SORCS2: variants seen among roughly 807,000 people sequenced by gnomAD.
SORCS2 encodes the protein sortilin related VPS10 domain containing receptor 2.
In SORCS2, 100 loss-of-function variants were observed where a neutral mutation model predicts 141.6. That is an observed-to-expected ratio of 0.71 (90% confidence interval 0.60 to 0.83). The LOEUF is 0.83. Ranked by LOEUF, SORCS2 falls within the 40% of genes least tolerant of loss-of-function variation. SORCS2 has a pLI of 0.00. For missense variants in SORCS2, 1,646 were observed against 1,560.2 expected (o/e 1.05, Z -0.93); for synonymous variants, 789 against 676.9 (o/e 1.17, Z -2.57).
At chr4:7,725,393 A>G in intron 20 of SORCS2, 106 bp downstream of exon 20, 1 of 1,448,868 alleles carries the variant, frequency 6.9e-7, no homozygotes, top group Non-Finnish European at 9.2e-7. Context: ...GAACCAGTGT[A>G]GGGTGCACTC....
chr4:7,243,718 C>T (rs981436412), intron 1 of SORCS2, among the ~76,000 whole-genome samples: 2 of 152,256 alleles, frequency 1.3e-5, no homozygotes, highest in Non-Finnish European at 2.9e-5. Context: ...AGCAAAGGCA[C>T]ACTGAGCCCT....
chr4:7,377,647 G>A (rs1428266639), intron 1 of SORCS2, among the ~76,000 whole-genome samples: 2 of 152,220 alleles, frequency 1.3e-5, no homozygotes, highest in Non-Finnish European at 2.9e-5. Flanking sequence ...GATGGCGGCA[G>A]GGCTCTCCTT....
At chr4:7,523,510 G>A (rs1487011815) in intron 2 of SORCS2, among the ~76,000 whole-genome samples, 1 of 152,104 alleles carries the variant, frequency 6.6e-6, no homozygotes, top group African/African-American at 2.4e-5. Context: ...GGTAGTACTG[G>A]GTTTGGAGTT....
chr4:7,722,896 T>C (rs185301740), intron 18 of SORCS2, among the ~76,000 whole-genome samples: 150 of 152,186 alleles, frequency 9.9e-4, no homozygotes, highest in Admixed American at 2.6e-3. Context: ...GTTTCCTCCA[T>C]CATCACTAGG....
At chr4:7,436,483 C>T (rs111811878) in intron 2 of SORCS2, among the ~76,000 whole-genome samples, 1,846 of 152,342 alleles carry the variant, frequency 0.012, 35 homozygotes, top group African/African-American at 0.043. Context: ...ACCCCCACGG[C>T]GCTGCCTTGG....
chr4:7,318,871 C>A (rs548544604), intron 1 of SORCS2, among the ~76,000 whole-genome samples: 1 of 152,174 alleles, frequency 6.6e-6, no homozygotes, highest in Non-Finnish European at 1.5e-5. Flanking sequence ...GAATCCCTTG[C>A]GTGCCTTAGT....
intron 1 of SORCS2, among the ~76,000 whole-genome samples, chr4:7,339,367 G>A (rs1401554199): frequency 6.6e-6 from 1 of 152,242 alleles, no homozygotes; most frequent in East Asian, 1.9e-4. Flanking sequence ...AAAGTTGTAT[G>A]AGTCAGCCAC....
intron 1 of SORCS2, among the ~76,000 whole-genome samples, chr4:7,323,559 G>A (rs774006795): frequency 1.3e-5 from 2 of 152,108 alleles, no homozygotes; most frequent in African/African-American, 4.8e-5. Context: ...AGGCTCCTAG[G>A]AGGTAGCACC....
chr4:7,517,614 C>G (rs925904859), intron 2 of SORCS2, among the ~76,000 whole-genome samples: 3 of 152,122 alleles, frequency 2.0e-5, no homozygotes, highest in African/African-American at 7.2e-5. Context: ...TCCAGGACCC[C>G]CTAAGAGTAA....
intron 2 of SORCS2, among the ~76,000 whole-genome samples, chr4:7,500,297 A>T (rs1424853367): frequency 8.1e-6 from 1 of 124,072 alleles, no homozygotes; most frequent in East Asian, 2.9e-4. Flanking sequence ...GATAAGGTGG[A>T]TCAATACTCG....
chr4:7,644,368 C>T (rs375284042), intron 4 of SORCS2, among the ~76,000 whole-genome samples: 1 of 152,200 alleles, frequency 6.6e-6, no homozygotes, highest in African/African-American at 2.4e-5. Context: ...CACGTCTCCA[C>T]CCTCCAGAGG....
At chr4:7,567,290 C>A (rs1715084313) in intron 3 of SORCS2, among the ~76,000 whole-genome samples, 1 of 152,112 alleles carries the variant, frequency 6.6e-6, no homozygotes, top group Non-Finnish European at 1.5e-5. Flanking sequence ...TTAGTCTTTA[C>A]CTAATGCCTT....
chr4:7,629,458 G>A (rs533502006), intron 3 of SORCS2, among the ~76,000 whole-genome samples: 1 of 152,030 alleles, frequency 6.6e-6, no homozygotes, highest in South Asian at 2.1e-4. Flanking sequence ...TGAGAGGTGA[G>A]GGAGGGAGGA....
chr4:7,308,529 G>A (rs1161191927), intron 1 of SORCS2, among the ~76,000 whole-genome samples: 1 of 152,114 alleles, frequency 6.6e-6, no homozygotes, highest in Admixed American at 6.5e-5. Context: ...TGTCAGACTG[G>A]CCTGTTACAC....
chr4:7,521,636 G>A (rs755359481), intron 2 of SORCS2, among the ~76,000 whole-genome samples: 4 of 152,186 alleles, frequency 2.6e-5, no homozygotes, highest in Admixed American at 1.3e-4. Context: ...GAACTGGAAC[G>A]TGACCGAAGC....
rs146358152 is a variant in SORCS2 at position 7,722,784 on chromosome 4, G to A, written c.2425-913G>A. Among the ~76,000 whole-genome samples the A allele has an allele frequency of 2.5e-3, 379 of 152,352 alleles. 4 individuals carry two copies. Among genetic ancestry groups the A allele is most frequent in the African/African-American group, 8.7e-3 (363 of 41,578 alleles). On this transcript the variant is annotated intron_variant, in intron 18 of 26. Coordinates refer to ENST00000507866, the MANE Select transcript of SORCS2 (RefSeq NM_020777.3). ...ACCAGCTCAATTTACCACATCTGTG[G>A]AGAAAGTTAAGTGAACAGAATTTAC...
intron 19 of SORCS2, among the ~76,000 whole-genome samples, chr4:7,724,126 G>GGTGGTGGTGGTGATGGTC (rs1553808119): frequency 1.4e-4 from 19 of 139,000 alleles, no homozygotes; most frequent in Admixed American, 6.4e-4. Context: ...TGGTGGTGGT[G>GGTGGTGGTGGTGATGGTC]GTGGTGGTGG....
intron 2 of SORCS2, among the ~76,000 whole-genome samples, chr4:7,424,549 C>G (rs1726294407): frequency 6.6e-6 from 1 of 152,204 alleles, no homozygotes; most frequent in African/African-American, 2.4e-5. Flanking sequence ...TCCCAAGTCA[C>G]CCAGTGTGTG....
chr4:7,360,441 C>T (rs566030719), intron 1 of SORCS2, among the ~76,000 whole-genome samples: 1 of 152,146 alleles, frequency 6.6e-6, no homozygotes, highest in African/African-American at 2.4e-5. Flanking sequence ...GCTTAGGCCC[C>T]TGTGAGCCAT....
Sources: allele counts gnomAD v4.1 joint callset (sites outside exome capture counted in the v4.1 genomes callset), GRCh38; gene constraint gnomAD v4.1.1; transcripts MANE v1.5; gene names NCBI Gene and HGNC (gene_info 2026-07-23, HGNC 2026-07-21).